KIF6: variants seen among roughly 807,000 people sequenced by gnomAD.
KIF6 encodes kinesin-like protein KIF6.
In KIF6, 106 loss-of-function variants were observed where a neutral mutation model predicts 112.7. The observed-to-expected ratio is 0.94, with a 90% CI of 0.80 to 1.11. The LOEUF (loss-of-function observed/expected upper bound fraction) is 1.11, where lower values mean the gene tolerates loss of function less well. Ranked by LOEUF, KIF6 falls within the 50% of genes least tolerant of loss-of-function variation. KIF6 has a pLI of 0.00. For synonymous variants in KIF6, 339 were observed against 339.9 expected (o/e 1.00, Z 0.03); for missense variants, 929 against 964.0 (o/e 0.96, Z 0.48).
At chr6:39,560,937 G>C (rs1463332603) in intron 10 of KIF6, among the ~76,000 whole-genome samples, 1 of 152,240 alleles carries the variant, frequency 6.6e-6, no homozygotes, top group South Asian at 2.1e-4. Context: ...TAGCAAACAG[G>C]AGTAGAAATA....
chr6:39,473,430 A>G (rs1774250445), intron 13 of KIF6, among the ~76,000 whole-genome samples: 1 of 152,140 alleles, frequency 6.6e-6, no homozygotes, highest in Non-Finnish European at 1.5e-5. Flanking sequence ...ACTTACTTCC[A>G]TGTTTATCCA....
intron 13 of KIF6, among the ~76,000 whole-genome samples, chr6:39,510,496 T>C (rs1252418411): frequency 6.6e-6 from 1 of 152,120 alleles, no homozygotes; most frequent in Non-Finnish European, 1.5e-5. Flanking sequence ...AAGCAAATGC[T>C]AAGAGATTTT....
At chr6:39,513,942 T>A (rs77276605) in intron 13 of KIF6, among the ~76,000 whole-genome samples, 3,501 of 152,322 alleles carry the variant, frequency 0.023, 86 homozygotes, top group African/African-American at 0.063. Flanking sequence ...AGTTTTTACA[T>A]AAAGTGGTGA....
At chr6:39,421,558 G>A (rs1327020790) in intron 14 of KIF6, among the ~76,000 whole-genome samples, 2 of 152,148 alleles carry the variant, frequency 1.3e-5, no homozygotes, top group Non-Finnish European at 1.5e-5. Context: ...AGGCCAGAGT[G>A]CCACGACTGC....
At chr6:39,532,937 C>T (rs112635492) in intron 13 of KIF6, among the ~76,000 whole-genome samples, 3,465 of 152,316 alleles carry the variant, frequency 0.023, 65 homozygotes, top group Non-Finnish European at 0.033. Flanking sequence ...GCTGGCCTAA[C>T]AGAAACACAC....
At chr6:39,704,902 TG>T (rs1226973541) in intron 3 of KIF6, among the ~76,000 whole-genome samples, 1 of 152,216 alleles carries the variant, frequency 6.6e-6, no homozygotes, top group Non-Finnish European at 1.5e-5. Context: ...AAATCAAGAG[TG>T]GGTCCCTTCT....
At chr6:39,503,838 C>A (rs1776275511) in intron 13 of KIF6, among the ~76,000 whole-genome samples, 1 of 147,122 alleles carries the variant, frequency 6.8e-6, no homozygotes. Flanking sequence ...TAATAGCCTA[C>A]CAACCAACCA....
intron 15 of KIF6, among the ~76,000 whole-genome samples, chr6:39,407,556 G>A (rs1298465315): frequency 6.6e-6 from 1 of 152,208 alleles, no homozygotes; most frequent in African/African-American, 2.4e-5. Flanking sequence ...ATCTCAACAT[G>A]TGTTAATATG....
chr6:39,432,668 C>A (rs755471487), intron 13 of KIF6, among the ~76,000 whole-genome samples: 1 of 152,132 alleles, frequency 6.6e-6, no homozygotes, highest in Non-Finnish European at 1.5e-5. Flanking sequence ...TTGTGTGAGA[C>A]GCAGAAAGAT....
At chr6:39,348,923 C>T (rs763640746) in intron 19 of KIF6, among the ~76,000 whole-genome samples, 16 of 152,182 alleles carry the variant, frequency 1.1e-4, no homozygotes, top group South Asian at 2.1e-4. Flanking sequence ...GGGCACTGAC[C>T]GGGCAACATT....
chr6:39,657,002 G>A (rs1582383157), intron 3 of KIF6, among the ~76,000 whole-genome samples: 1 of 152,044 alleles, frequency 6.6e-6, no homozygotes, highest in East Asian at 1.9e-4. Context: ...AGGCTGAGGT[G>A]GGTGGATCAC....
At chr6:39,579,612 G>T (rs567542472) in intron 9 of KIF6, among the ~76,000 whole-genome samples, 4 of 151,822 alleles carry the variant, frequency 2.6e-5, no homozygotes, top group Non-Finnish European at 5.9e-5. Context: ...TTTATGTGTT[G>T]TACTTTTGTG....
At chr6:39,645,657 G>A (rs1295253800) in intron 3 of KIF6, among the ~76,000 whole-genome samples, 19 of 152,220 alleles carry the variant, frequency 1.2e-4, no homozygotes, top group Non-Finnish European at 1.5e-5. Context: ...GTATCAGGAT[G>A]ATGCTGGCCT....
At chr6:39,558,690 C>G (rs1032200192) in intron 10 of KIF6, among the ~76,000 whole-genome samples, 1 of 152,140 alleles carries the variant, frequency 6.6e-6, no homozygotes, top group Non-Finnish European at 1.5e-5. Flanking sequence ...TCAAAACTTT[C>G]TAATTTAGAA....
At chr6:39,640,544 A>T (rs1444126904) in intron 3 of KIF6, among the ~76,000 whole-genome samples, 1 of 152,112 alleles carries the variant, frequency 6.6e-6, no homozygotes, top group Non-Finnish European at 1.5e-5. Context: ...TCATTAAACT[A>T]GCTACGATGA....
chr6:39,545,651 C>T lies in KIF6; in HGVS notation c.1219G>A (p.Asp407Asn). The T allele has an allele frequency of 6.2e-7, 1 of 1,613,550 alleles. No homozygotes were observed. Among genetic ancestry groups the T allele is most frequent in the East Asian group, 2.2e-5 (1 of 44,844 alleles). ...KLITSFLEDQDSDSRLEVGAD... is the reference protein window; with the variant it reads ...KLITSFLEDQNSDSRLEVGAD... ...CCAACCTCTAATCTACTGTCTGAAT[C>T]CTGGTCTTCCAAAAAGGATGTTATT... Residue 407 changes from aspartate to asparagine, a missense_variant, in exon 11 of 23, where the codon GAT (aspartate) becomes AAT (asparagine). Physicochemically the swap from Asp to Asn is conservative, Grantham distance 23. Coordinates refer to ENST00000287152, the MANE Select transcript of KIF6 (RefSeq NM_145027.6).
chr6:39,365,891 G>A (rs1207060807), intron 16 of KIF6, among the ~76,000 whole-genome samples: 1 of 152,182 alleles, frequency 6.6e-6, no homozygotes, highest in African/African-American at 2.4e-5. Context: ...CAGTCTCCAG[G>A]CCTTGGTGAA....
At chr6:39,717,570 C>T (rs1215102465) in intron 2 of KIF6, among the ~76,000 whole-genome samples, 2 of 152,128 alleles carry the variant, frequency 1.3e-5, no homozygotes, top group Non-Finnish European at 2.9e-5. Flanking sequence ...TTCTTTGTCA[C>T]ACTTTTCTCC....
intron 18 of KIF6, among the ~76,000 whole-genome samples, chr6:39,359,768 A>G (rs914393631): frequency 6.6e-6 from 1 of 151,888 alleles, no homozygotes; most frequent in African/African-American, 2.4e-5. Context: ...AATTATTTTT[A>G]TGTTCATTTT....
Sources: gnomAD v4.1 joint callset for allele counts (sites outside exome capture counted in the v4.1 genomes callset) on GRCh38, gnomAD v4.1.1 for gene constraint, MANE v1.5 for transcripts, NCBI Gene and HGNC (gene_info 2026-07-23, HGNC 2026-07-21) for gene names.